Variants in GRK5 observed in about 807,000 individuals in gnomAD.
The protein encoded by GRK5 is G protein-coupled receptor kinase 5, also known as g protein-coupled receptor kinase GRK5.
GRK5 carries 40 observed loss-of-function variants against 78.4 expected under a neutral mutation model. The ratio of observed to expected loss-of-function variants is 0.51; its 90% CI spans 0.40 to 0.66. The LOEUF is 0.66. Ranked by LOEUF, GRK5 falls within the 30% of genes least tolerant of loss-of-function variation. The pLI, the probability that GRK5 is intolerant of heterozygous loss-of-function variation, is 0.00. For synonymous variants in GRK5, 289 were observed against 296.8 expected (o/e 0.97, Z 0.27); for missense variants, 598 against 759.9 (o/e 0.79, Z 2.50).
chr10:119,422,241 C>T (rs946845902), intron 4 of GRK5, among the ~76,000 whole-genome samples: 2 of 152,258 alleles, frequency 1.3e-5, no homozygotes, highest in African/African-American at 4.8e-5. Flanking sequence ...AGCTGCCTTC[C>T]AGATGCGGCC....
chr10:119,416,166 G>A (rs1005902100), intron 4 of GRK5, among the ~76,000 whole-genome samples: 1 of 152,216 alleles, frequency 6.6e-6, no homozygotes, highest in Non-Finnish European at 1.5e-5. Flanking sequence ...TTGAAACAAG[G>A]GATGTTAATA....
At chr10:119,406,869 A>C (rs533227282) in intron 4 of GRK5, among the ~76,000 whole-genome samples, 1 of 152,234 alleles carries the variant, frequency 6.6e-6, no homozygotes, top group Non-Finnish European at 1.5e-5. Context: ...ATCAAGCCAC[A>C]TGTGTGCTCA....
chr10:119,406,490 C>T (rs2133864934), intron 4 of GRK5: 8 of 985,108 alleles, frequency 8.1e-6, no homozygotes, highest in South Asian at 4.7e-5. Flanking sequence ...AGTACCTGTC[C>T]CATTCTCCCT....
intron 1 of GRK5, among the ~76,000 whole-genome samples, chr10:119,279,370 G>A (rs1367023557): frequency 2.0e-5 from 3 of 152,158 alleles, no homozygotes; most frequent in Non-Finnish European, 1.5e-5. Context: ...CTTATCACAG[G>A]TGCTGAGCCC....
chr10:119,237,312 G>A (rs942882019), intron 1 of GRK5, among the ~76,000 whole-genome samples: 3 of 152,048 alleles, frequency 2.0e-5, no homozygotes, highest in African/African-American at 7.2e-5. Context: ...ATTTGCCCCC[G>A]TTGGCCTCCC....
chr10:119,447,882 G>A (rs879635096), intron 12 of GRK5, among the ~76,000 whole-genome samples: 2 of 152,232 alleles, frequency 1.3e-5, no homozygotes, highest in African/African-American at 2.4e-5. Context: ...CCAGGAACGA[G>A]GTCTGTAATC....
At chr10:119,344,971 CT>C in intron 2 of GRK5, among the ~76,000 whole-genome samples, 1 of 137,088 alleles carries the variant, frequency 7.3e-6, no homozygotes, top group South Asian at 2.5e-4. Flanking sequence ...TCCTTCCTTT[CT>C]TTTTCTTTTT....
At chr10:119,439,963 G>A (rs1853000513) in intron 10 of GRK5, among the ~76,000 whole-genome samples, 195 bp downstream of exon 10, 1 of 152,214 alleles carries the variant, frequency 6.6e-6, no homozygotes, top group African/African-American at 2.4e-5. Context: ...GCAGTGTTCA[G>A]AGAGACTTTG....
At chr10:119,383,278 G>A (rs886405155) in intron 3 of GRK5, among the ~76,000 whole-genome samples, 4 of 152,142 alleles carry the variant, frequency 2.6e-5, no homozygotes, top group Non-Finnish European at 4.4e-5. Context: ...GACCAAATTC[G>A]GTTTCCGTTT....
chr10:119,301,272 G>A (rs765206635), intron 1 of GRK5, among the ~76,000 whole-genome samples: 4 of 152,182 alleles, frequency 2.6e-5, no homozygotes, highest in Non-Finnish European at 5.9e-5. Flanking sequence ...TGGTTCTAAC[G>A]CCATGGGTTA....
At chr10:119,317,360 G>A (rs1374889594) in intron 1 of GRK5, among the ~76,000 whole-genome samples, 1 of 151,796 alleles carries the variant, frequency 6.6e-6, no homozygotes, top group Non-Finnish European at 1.5e-5. Flanking sequence ...GTGTGTGTGT[G>A]TGTGTGTGTG....
At chr10:119,289,032 C>A (rs1849906721) in intron 1 of GRK5, among the ~76,000 whole-genome samples, 1 of 152,092 alleles carries the variant, frequency 6.6e-6, no homozygotes, top group Non-Finnish European at 1.5e-5. Flanking sequence ...TGACCTTAAG[C>A]AAAACTTTTT....
intron 1 of GRK5, among the ~76,000 whole-genome samples, chr10:119,290,355 A>C (rs1849929610): frequency 1.4e-5 from 2 of 144,376 alleles, no homozygotes; most frequent in African/African-American, 2.5e-5. Context: ...TCAAAAAAAA[A>C]AAAAAAAACA....
chr10:119,422,738 G>A (rs1852596246), intron 4 of GRK5, among the ~76,000 whole-genome samples: 1 of 152,234 alleles, frequency 6.6e-6, no homozygotes, highest in African/African-American at 2.4e-5. Context: ...TCAGTGATGA[G>A]CTGGGTCACG....
intron 3 of GRK5, among the ~76,000 whole-genome samples, chr10:119,381,631 G>A (rs1253864911): frequency 6.6e-6 from 1 of 152,198 alleles, no homozygotes; most frequent in Non-Finnish European, 1.5e-5. Flanking sequence ...GCACCTGCCC[G>A]GGGAGCCTGG....
chr10:119,225,845 A>AT (rs1230077055), intron 1 of GRK5, among the ~76,000 whole-genome samples: 9 of 108,030 alleles, frequency 8.3e-5, no homozygotes, highest in African/African-American at 1.5e-4. Context: ...TAATTTTTGT[A>AT]TTTTTTTTTC....
chr10:119,393,602 C>G (rs779981019), intron 3 of GRK5, among the ~76,000 whole-genome samples: 7 of 152,212 alleles, frequency 4.6e-5, no homozygotes, highest in Non-Finnish European at 8.8e-5. Context: ...CCCACGGTGC[C>G]GGACCAACGG....
chr10:119,292,325 CCTT>C lies in GRK5; in HGVS notation c.53-34188_53-34186del, dbSNP rs201943838. 3.7e-3 allele frequency among the ~76,000 whole-genome samples: 561 copies of C among 151,822 alleles called. 16 individuals are homozygous for C. The highest frequency in any genetic ancestry group is 0.034 in the Admixed American group (520 of 15,210). On this transcript the variant is annotated intron_variant, in intron 1 of 15. Transcript: ENST00000392870. ...TCTTCCTCCTTCTCCTCCTATTCCT[CCTT>C]CTCCTCCTCATCCTCCTTTCTTCCT...
At chr10:119,281,347 AC>A (rs750358379) in intron 1 of GRK5, among the ~76,000 whole-genome samples, 1 of 151,014 alleles carries the variant, frequency 6.6e-6, no homozygotes, top group Non-Finnish European at 1.5e-5. Flanking sequence ...CTGGCCAGGG[AC>A]CCCCCTAACC....
Sources: gnomAD v4.1 joint callset for allele counts (sites outside exome capture counted in the v4.1 genomes callset) on GRCh38, gnomAD v4.1.1 for gene constraint, MANE v1.5 for transcripts, NCBI Gene and HGNC (gene_info 2026-07-23, HGNC 2026-07-21) for gene names.